ZNF274: variants seen among roughly 807,000 people sequenced by gnomAD.
The protein encoded by ZNF274 is neurotrophin receptor-interacting factor homolog.
ZNF274 carries 23 observed loss-of-function variants against 42.5 expected under a neutral mutation model. That is an observed-to-expected ratio of 0.54 (90% confidence interval 0.39 to 0.77). ZNF274 has a LOEUF of 0.77. Ranked by LOEUF, ZNF274 falls within the 30% of genes least tolerant of loss-of-function variation. The pLI is 0.00. For missense variants in ZNF274, 679 were observed against 806.5 expected (o/e 0.84, Z 1.91); for synonymous variants, 292 against 305.4 (o/e 0.96, Z 0.46).
rs545718861 is a variant in ZNF274, at chr19:58,201,250, G to A, written c.257-5470G>A. Among the ~76,000 whole-genome samples the A allele has an allele frequency of 2.0e-5, 3 of 147,908 alleles. No homozygotes were observed. The South Asian group carries it at 6.4e-4, about 32-fold the overall frequency. ...CGGTCTAGAACTCCTGGGCTCAAGC[G>A]AACCACCTACCTCAGCCTCCCAAGG... On this transcript the variant is annotated intron_variant, in intron 4 of 7. Transcript: ENST00000617501.
In ZNF274 at chr19:58,206,769, G is replaced by T. The variant is rs763035420; in HGVS notation, c.306G>T (p.Glu102Asp). ...LDPKLDPLPA[E>D]SPLMNIEVVE... ...CTAAATTGGATCCTCTTCCTGCTGA[G>T]AGTCCCCTAATGAACATTGAGGTTG... Residue 102 changes from glutamate to aspartate, a missense_variant, in exon 5 of 8, where the codon GAG becomes GAT. Glu to Asp is a conservative substitution (Grantham distance 45). Transcript: ENST00000617501. The T allele has an allele frequency of 4.2e-5, 67 of 1,611,144 alleles. No individual in the cohort carries two copies. Among genetic ancestry groups the T allele is most frequent in the Non-Finnish European group, 5.5e-5 (65 of 1,178,784 alleles).
In ZNF274 at chr19:58,212,997, C is replaced by T. The variant is rs774178623; in HGVS notation, c.1816C>T (p.Leu606Phe). 6 of 1,613,870 alleles carry T rather than the reference C, an allele frequency of 3.7e-6. No homozygotes were observed. The highest frequency in any genetic ancestry group is 5.1e-6 in the Non-Finnish European group (6 of 1,179,874). The change falls in exon 8 of 8, where the codon CTC becomes TTC. Residue 606 changes from leucine to phenylalanine, a missense_variant. Leu to Phe is a conservative substitution (Grantham distance 22). Around this residue, in one of 2 missense-constraint regions of ZNF274, gnomAD observed 456 missense variants for 590.1 expected, o/e 0.77. Transcript: ENST00000617501. This position sits in a 1 kb window ranked among gnomAD's most constrained non-coding sequence, Gnocchi z 4.6. ...CGKAFRQSSH[L>F]IRHQRTHTGE... Reference sequence around the variant, plus strand: ...AAAAGCCTTCCGCCAGAGCTCCCACCTCATCAGACATCAGAGGACTCACAC... The same window carrying T: ...AAAAGCCTTCCGCCAGAGCTCCCACTTCATCAGACATCAGAGGACTCACAC...
chr19:58,189,016 A>AT (rs1167960738), intron 4 of ZNF274, among the ~76,000 whole-genome samples: 1 of 152,112 alleles, frequency 6.6e-6, no homozygotes, highest in Non-Finnish European at 1.5e-5. Context: ...GATAAATACA[A>AT]TATGTTCAAT....
In ZNF274 at chr19:58,207,315, C is replaced by T; in HGVS notation, c.739+113C>T. The T allele has an allele frequency of 7.0e-7, 1 of 1,438,064 alleles. No homozygotes were observed. The highest frequency in any genetic ancestry group is 9.2e-7 in the Non-Finnish European group (1 of 1,086,118). The allele number at this position is 1,438,064 out of a possible 1,614,324, so 89.1% of individuals were successfully genotyped here. On this transcript the variant is annotated intron_variant, in intron 5 of 7. Transcript: ENST00000617501. The surrounding 1 kb of genome is among the most constrained non-coding windows in gnomAD (Gnocchi z 5.6). ...AAGGTCATGGGAAGGATTGTGTCCG[C>T]TCCATACAGACCAAGGACATCCATG...
At chr19:58,193,115 G>A (rs1009825133) in intron 4 of ZNF274, among the ~76,000 whole-genome samples, 1 of 151,306 alleles carries the variant, frequency 6.6e-6, no homozygotes, top group South Asian at 2.1e-4. Context: ...GAATATACAG[G>A]TCCAACTGTA....
At chr19:58,190,151 CTTTT>C (rs527745785) in intron 4 of ZNF274, among the ~76,000 whole-genome samples, 5 of 130,842 alleles carry the variant, frequency 3.8e-5, no homozygotes, top group Admixed American at 8.0e-5. Flanking sequence ...TTATCTCTCT[CTTTT>C]TTTTTTTTTT....
Position 58,183,973 on chromosome 19 carries a change from C to T in ZNF274, c.8C>T (p.Ser3Phe). The stretch of plus-strand genomic sequence containing the variant: ...ATTGAGAAGGAGGAAACTATGGCCT[C>T]CAGGCTTCCGACGGCCTGGTCCTGT... MA[S>F]RLPTAWSCEP... The change falls in exon 2 of 8, where the codon TCC (serine) becomes TTC (phenylalanine). Residue 3 changes from serine to phenylalanine, a missense_variant. Around this residue, in one of 2 missense-constraint regions of ZNF274, gnomAD observed 223 missense variants for 216.4 expected, o/e 1.03. Transcript: ENST00000617501. 6.3e-7 allele frequency: 1 copy of T among 1,596,216 alleles called. No homozygotes were observed. The highest frequency in any genetic ancestry group is 1.1e-5 in the South Asian group (1 of 87,982).
chr19:58,185,503 TTGC>T (rs1263325422), intron 2 of ZNF274: 6 of 327,954 alleles, frequency 1.8e-5, no homozygotes, highest in Non-Finnish European at 2.8e-5. Flanking sequence ...ATCTCATGTG[TTGC>T]TCTCCTTATT....
At chr19:58,191,768 G>GA (rs1295767933) in intron 4 of ZNF274, among the ~76,000 whole-genome samples, 1 of 152,196 alleles carries the variant, frequency 6.6e-6, no homozygotes, top group Non-Finnish European at 1.5e-5. Flanking sequence ...CTCTGTCACA[G>GA]AAAGAGTCCT....
At position 58,206,701 on chromosome 19, in the gene ZNF274, C is replaced by T; in HGVS notation, c.257-19C>T. 6.5e-7 allele frequency: 1 copy of T among 1,540,988 alleles called. No individual in the cohort carries two copies. The highest frequency in any genetic ancestry group is 8.8e-7 in the Non-Finnish European group (1 of 1,141,562). ...CATGTGCTTGTTCTCATTTGTCTTG[C>T]TCTGCTTTTGACTTACAGAGTATCC... On this transcript the variant is annotated intron_variant, in intron 4 of 7. Coordinates refer to ENST00000617501, the MANE Select transcript of ZNF274 (RefSeq NM_133502.3).
At chr19:58,196,183 G>A (rs1003223531) in intron 4 of ZNF274, among the ~76,000 whole-genome samples, 1 of 152,320 alleles carries the variant, frequency 6.6e-6, no homozygotes, top group African/African-American at 2.4e-5. Context: ...TTAGTCATTA[G>A]GAAAGGAATG....
At chr19:58,191,564 C>T (rs2075779394) in intron 4 of ZNF274, among the ~76,000 whole-genome samples, 1 of 152,210 alleles carries the variant, frequency 6.6e-6, no homozygotes, top group Non-Finnish European at 1.5e-5. Flanking sequence ...CCATACACTT[C>T]TGGATGATCT....
Position 58,188,707 on chromosome 19 carries a change from T to C in ZNF274, c.256+1665T>C, listed in dbSNP as rs1297321677. On this transcript the variant is annotated intron_variant, in intron 4 of 7. Coordinates refer to ENST00000617501, the MANE Select transcript of ZNF274 (RefSeq NM_133502.3). ...ATATATGTATATGTATATATATATA[T>C]ATATATATATATATATAAATCTTTA... Among the ~76,000 whole-genome samples the C allele has an allele frequency of 2.5e-5, 3 of 120,828 alleles. No individual in the cohort carries two copies. The Admixed American group carries it at 2.6e-4, about 10-fold the overall frequency. 79.3% of individuals were successfully genotyped at this position (120,828 alleles called of 152,430 possible).
intron 4 of ZNF274, among the ~76,000 whole-genome samples, chr19:58,203,045 C>G (rs889440603): frequency 2.0e-5 from 3 of 152,082 alleles, no homozygotes; most frequent in Non-Finnish European, 4.4e-5. Context: ...ATGAAAATCC[C>G]TCGATTAAGG....
At chr19:58,185,668 TGGATGC>T (rs758595529) in intron 2 of ZNF274, 38 bp from the exon 3 acceptor site, 1 of 1,388,186 alleles carries the variant, frequency 7.2e-7, no homozygotes, top group South Asian at 1.9e-5. Flanking sequence ...TCTTTTGTCG[TGGATGC>T]GGATGGCCTG....
chr19:58,203,987 A>C (rs1364034217), intron 4 of ZNF274, among the ~76,000 whole-genome samples: 2 of 152,202 alleles, frequency 1.3e-5, no homozygotes, highest in African/African-American at 4.8e-5. Flanking sequence ...CCCAGCGCGG[A>C]GCTGACTCCC....
intron 2 of ZNF274, among the ~76,000 whole-genome samples, chr19:58,185,052 G>A (rs1304890838): frequency 1.3e-5 from 2 of 151,282 alleles, no homozygotes; most frequent in Admixed American, 6.6e-5. Context: ...CCGGGGAGGC[G>A]GAGCTTGCAG....
intron 4 of ZNF274, among the ~76,000 whole-genome samples, chr19:58,190,719 TTTTC>T (rs773897079): frequency 3.9e-5 from 6 of 152,024 alleles, no homozygotes; most frequent in Admixed American, 6.6e-5. Flanking sequence ...GGGGAGGTGG[TTTTC>T]TTTGTGTGTT....
At chr19:58,205,330 C>G (rs183666742) in intron 4 of ZNF274, among the ~76,000 whole-genome samples, 1 of 152,090 alleles carries the variant, frequency 6.6e-6, no homozygotes, top group East Asian at 1.9e-4. Flanking sequence ...GTTATTTATA[C>G]TTTTATATTT....
Sources: gnomAD v4.1 joint callset for allele counts (sites outside exome capture counted in the v4.1 genomes callset) on GRCh38, gnomAD v4.1.1 for gene constraint, gnomAD v4.1.1 regional missense constraint, Gnocchi (gnomAD v3.1) non-coding constraint, MANE v1.5 for transcripts, NCBI Gene and HGNC (gene_info 2026-07-23, HGNC 2026-07-21) for gene names.